The following NUDCD3 variants were observed in gnomAD, a reference collection of about 807,000 sequenced individuals.
The protein encoded by NUDCD3 is nudC domain-containing protein 3.
A neutral mutation model predicts 39.7 loss-of-function variants in NUDCD3; 13 were observed. That is an observed-to-expected ratio of 0.33 (90% confidence interval 0.21 to 0.52). The LOEUF (loss-of-function observed/expected upper bound fraction) is 0.52. Among genes scored for constraint, NUDCD3 ranks in the 20% least tolerant of loss-of-function variants. The pLI is 0.96. For synonymous variants in NUDCD3, 175 were observed against 172.4 expected, an observed-to-expected ratio of 1.02 and a Z score of -0.12; for missense variants, 453 against 458.1, an observed-to-expected ratio of 0.99 and a Z score of 0.10.
rs536985904 is a variant in NUDCD3, at chr7:44,402,072, G to A, written c.786+2368C>T. On this transcript the variant is annotated intron_variant, in intron 4 of 5. Coordinates refer to ENST00000355451, the MANE Select transcript of NUDCD3 (RefSeq NM_015332.4). The stretch of plus-strand genomic sequence containing the variant: ...GAGCAATGCTTCCCAGCCCCGACAG[G>A]TCTGAGCCTTCTCCAGAGACTCCCG... Among the ~76,000 whole-genome samples the A allele has an allele frequency of 4.6e-5, 7 of 152,356 alleles. No individual in the cohort carries two copies. The South Asian group carries it at 1.5e-3, about 32-fold the overall frequency.
chr7:44,391,011 C>T (rs1798504822), intron 5 of NUDCD3, among the ~76,000 whole-genome samples: 1 of 152,176 alleles, frequency 6.6e-6, no homozygotes, highest in Non-Finnish European at 1.5e-5. Context: ...ACATTCTCTT[C>T]CATAGAGACA....
rs1798301341 is a variant in NUDCD3, at chr7:44,381,299, C to G, written c.*4712G>C. On this transcript the variant is annotated 3_prime_UTR_variant, in exon 6 of 6. Coordinates refer to ENST00000355451, the MANE Select transcript of NUDCD3 (RefSeq NM_015332.4). ...GCCACTCACCTTGGTCATGATGCCA[C>G]AGAGAGTGTGGCATGGCCAGGACTG... 1 of 152,338 alleles carries G rather than the reference C, an allele frequency of 6.6e-6. No homozygotes were observed. The highest frequency in any genetic ancestry group is 2.4e-5 in the African/African-American group (1 of 41,462). The allele number at this position is 152,338 out of a possible 1,614,324, so 9.4% of individuals were successfully genotyped here.
At chr7:44,431,725 T>C (rs1799368328) in intron 2 of NUDCD3, among the ~76,000 whole-genome samples, 1 of 141,518 alleles carries the variant, frequency 7.1e-6, no homozygotes, top group South Asian at 2.2e-4. Flanking sequence ...CAGGCTGGAG[T>C]GCAGTGCCAC....
At chr7:44,420,910 G>A (rs972627099) in intron 3 of NUDCD3, among the ~76,000 whole-genome samples, 1 of 152,156 alleles carries the variant, frequency 6.6e-6, no homozygotes. Flanking sequence ...AAAATATAAA[G>A]ACCAACAACA....
chr7:44,455,821 T>C (rs1237598663), intron 2 of NUDCD3, among the ~76,000 whole-genome samples: 4 of 150,934 alleles, frequency 2.7e-5, no homozygotes, highest in Non-Finnish European at 5.9e-5. Context: ...GGTCAGGAGA[T>C]CGAGACCATC....
chr7:44,461,161 C>A (rs1053276880), intron 2 of NUDCD3, among the ~76,000 whole-genome samples: 3 of 152,204 alleles, frequency 2.0e-5, no homozygotes, highest in Non-Finnish European at 4.4e-5. Flanking sequence ...CTTCTCCTGG[C>A]TTCTTCGGCC....
intron 5 of NUDCD3, among the ~76,000 whole-genome samples, chr7:44,388,404 A>G (rs1798440350): frequency 6.6e-6 from 1 of 152,214 alleles, no homozygotes; most frequent in Admixed American, 6.5e-5. Context: ...ACGCCTGAAT[A>G]AAATGTGGCT....
chr7:44,406,753 G>A (rs2116877057), intron 3 of NUDCD3, among the ~76,000 whole-genome samples: 1 of 152,272 alleles, frequency 6.6e-6, no homozygotes, highest in East Asian at 1.9e-4. Context: ...TAGGCATGAA[G>A]AGAAAAACCC....
At chr7:44,453,474 G>T (rs916375263) in intron 2 of NUDCD3, among the ~76,000 whole-genome samples, 4 of 152,162 alleles carry the variant, frequency 2.6e-5, no homozygotes, top group African/African-American at 7.2e-5. Flanking sequence ...CCAACCCAAA[G>T]GAGAAAGCAC....
At chr7:44,399,161 T>C (rs1252883388) in intron 4 of NUDCD3, among the ~76,000 whole-genome samples, 1 of 152,166 alleles carries the variant, frequency 6.6e-6, no homozygotes, top group Non-Finnish European at 1.5e-5. Context: ...CTGTCCATGG[T>C]GCCACCAAGA....
At chr7:44,417,304 T>A (rs1200460486) in intron 3 of NUDCD3, among the ~76,000 whole-genome samples, 1 of 152,204 alleles carries the variant, frequency 6.6e-6, no homozygotes, top group East Asian at 1.9e-4. Flanking sequence ...GGCAGGACCC[T>A]CATAACACGG....
At chr7:44,393,868 A>C (rs1408876401) in intron 4 of NUDCD3, among the ~76,000 whole-genome samples, 1 of 152,188 alleles carries the variant, frequency 6.6e-6, no homozygotes, top group Non-Finnish European at 1.5e-5. Flanking sequence ...AAGAGGTCAC[A>C]GTGAGTCCAC....
At chr7:44,386,155 C>T (rs777313049) in intron 5 of NUDCD3, 34 bp from the exon 6 acceptor site, 2 of 1,610,960 alleles carry the variant, frequency 1.2e-6, no homozygotes, top group Non-Finnish European at 1.7e-6. Context: ...TAAAGGGGAT[C>T]ACAACGCACT....
chr7:44,469,108 A>G (rs1800196588), intron 2 of NUDCD3, among the ~76,000 whole-genome samples: 1 of 147,854 alleles, frequency 6.8e-6, no homozygotes, highest in Non-Finnish European at 1.5e-5. Flanking sequence ...TTTTCAAACA[A>G]ACAAACCAAA....
intron 3 of NUDCD3, among the ~76,000 whole-genome samples, chr7:44,406,569 A>G (rs1049204815): frequency 1.3e-5 from 2 of 152,208 alleles, no homozygotes; most frequent in Non-Finnish European, 2.9e-5. Context: ...CCAGCTCTAT[A>G]TAACATAATA....
intron 3 of NUDCD3, 28 bp from the exon 4 acceptor site, chr7:44,404,611 T>A (rs1798783133): frequency 6.2e-7 from 1 of 1,609,954 alleles, no homozygotes; most frequent in African/African-American, 1.3e-5. Context: ...GAAAATCATC[T>A]CTCCTATCAG....
intron 2 of NUDCD3, among the ~76,000 whole-genome samples, chr7:44,429,279 G>T (rs1799304049): frequency 6.6e-6 from 1 of 152,150 alleles, no homozygotes; most frequent in Non-Finnish European, 1.5e-5. Flanking sequence ...TAAAAACAGG[G>T]TCTTTACACA....
intron 2 of NUDCD3, among the ~76,000 whole-genome samples, chr7:44,461,435 T>G (rs972580137): frequency 1.1e-4 from 16 of 152,200 alleles, no homozygotes; most frequent in African/African-American, 3.6e-4. Context: ...AAGAGAAGTC[T>G]TCTCTTAAAA....
intron 3 of NUDCD3, among the ~76,000 whole-genome samples, chr7:44,422,148 G>A (rs1298776275): frequency 2.0e-5 from 3 of 152,150 alleles, no homozygotes; most frequent in Non-Finnish European, 2.9e-5. Flanking sequence ...GGTGTTAACA[G>A]GGAAATTTAT....
Sources: allele counts gnomAD v4.1 joint callset (sites outside exome capture counted in the v4.1 genomes callset), GRCh38; gene constraint gnomAD v4.1.1; transcripts MANE v1.5; gene names NCBI Gene and HGNC (gene_info 2026-07-23, HGNC 2026-07-21).